NAA35: variants seen among roughly 807,000 people sequenced by gnomAD.
NAA35 encodes N-alpha-acetyltransferase 35, NatC auxiliary subunit, also known as MAK10 homolog, amino-acid N-acetyltransferase subunit.
NAA35 carries 18 observed loss-of-function variants against 101.7 expected under a neutral mutation model. The observed-to-expected ratio is 0.18, with a 90% CI of 0.12 to 0.26. NAA35 has a LOEUF of 0.26. Among genes scored for constraint, NAA35 ranks in the 10% least tolerant of loss-of-function variants. The pLI is 1.00. For synonymous variants in NAA35, 267 were observed against 273.1 expected (o/e 0.98, Z 0.22); for missense variants, 601 against 886.8 (o/e 0.68, Z 4.09).
At chr9:85,983,755 G>A (rs893536050) in intron 11 of NAA35, among the ~76,000 whole-genome samples, 2 of 152,066 alleles carry the variant, frequency 1.3e-5, no homozygotes, top group Admixed American at 1.3e-4. Flanking sequence ...TATGGCACAT[G>A]TATACCTATG....
intron 6 of NAA35, among the ~76,000 whole-genome samples, chr9:85,971,102 CCA>C (rs1410713167): frequency 6.6e-6 from 1 of 152,194 alleles, no homozygotes; most frequent in East Asian, 1.9e-4. Flanking sequence ...TTTGAAAACA[CCA>C]CAGTTTCCTT....
At position 85,945,558 on chromosome 9, in the gene NAA35, C is replaced by T. The variant is rs57006364; in HGVS notation, c.124+3275C>T. On this transcript the variant is annotated intron_variant, in intron 2 of 22. Coordinates refer to ENST00000361671, the MANE Select transcript of NAA35 (RefSeq NM_024635.4). ...ATTTTTTTTTTTTGAGATGGAATCTCGCTGTCACCCAGGCTGGAGTGCAGT... is the reference window on the plus strand; with the variant it reads ...ATTTTTTTTTTTTGAGATGGAATCTTGCTGTCACCCAGGCTGGAGTGCAGT... Among the ~76,000 whole-genome samples the T allele has an allele frequency of 4.0e-4, 60 of 151,154 alleles. 1 individual carries two copies. The East Asian group carries it at 8.8e-3, about 22-fold the overall frequency.
At chr9:85,956,529 A>G (rs1186633178) in intron 3 of NAA35, 136 bp downstream of exon 3, 3 of 461,976 alleles carry the variant, frequency 6.5e-6, no homozygotes, top group Non-Finnish European at 1.1e-5. Context: ...TTATAAATAT[A>G]TTTTTAACTG....
At chr9:85,942,044 T>G (rs1467730742) in intron 1 of NAA35, 111 bp from the exon 2 acceptor site, 1 of 1,471,540 alleles carries the variant, frequency 6.8e-7, no homozygotes, top group Non-Finnish European at 9.1e-7. Context: ...GAGTTCTGCT[T>G]TAAAGAGTTT....
chr9:86,001,737 C>T (rs1831426458), intron 12 of NAA35, among the ~76,000 whole-genome samples: 1 of 152,170 alleles, frequency 6.6e-6, no homozygotes, highest in Non-Finnish European at 1.5e-5. Context: ...TTTCCTCCAT[C>T]CCTTTATTTT....
intron 2 of NAA35, 75 bp from the exon 3 acceptor site, chr9:85,956,285 C>G: frequency 2.3e-6 from 2 of 853,194 alleles, no homozygotes; most frequent in Non-Finnish European, 3.5e-6. Flanking sequence ...TTTTCAGGTG[C>G]TAATGTCTTT....
chr9:85,944,256 A>AT (rs1296654548), intron 2 of NAA35, among the ~76,000 whole-genome samples: 1 of 152,200 alleles, frequency 6.6e-6, no homozygotes, highest in Non-Finnish European at 1.5e-5. Flanking sequence ...ACTTTAGAGA[A>AT]TTTTGGGGAT....
intron 6 of NAA35, among the ~76,000 whole-genome samples, chr9:85,963,488 C>T (rs561986314): frequency 4.6e-5 from 7 of 152,036 alleles, no homozygotes; most frequent in Non-Finnish European, 1.0e-4. Flanking sequence ...AGGCTGATCT[C>T]GAACTCCTGA....
intron 15 of NAA35, among the ~76,000 whole-genome samples, chr9:86,011,652 A>T (rs927341879): frequency 2.0e-4 from 30 of 150,856 alleles, no homozygotes; most frequent in African/African-American, 7.1e-4. Flanking sequence ...GAGCCACCGC[A>T]CCCGGCTTCA....
At chr9:86,007,868 T>TAA (rs1271232003) in intron 14 of NAA35, among the ~76,000 whole-genome samples, 1 of 151,758 alleles carries the variant, frequency 6.6e-6, no homozygotes, top group Admixed American at 6.6e-5. Context: ...ACAAAGCACT[T>TAA]ACACTTTGTT....
intron 5 of NAA35, among the ~76,000 whole-genome samples, chr9:85,960,135 AG>A (rs1467873700): frequency 1.3e-5 from 2 of 152,222 alleles, no homozygotes; most frequent in African/African-American, 2.4e-5. Flanking sequence ...TTCGTTCTCA[AG>A]TTACTCAAGT....
chr9:86,010,266 A>AATT (rs1232013858), intron 15 of NAA35, among the ~76,000 whole-genome samples: 1 of 151,990 alleles, frequency 6.6e-6, no homozygotes, highest in African/African-American at 2.4e-5. Context: ...TAATAATAAT[A>AATT]ATAATAAATT....
At chr9:85,951,678 C>T (rs1391453850) in intron 2 of NAA35, among the ~76,000 whole-genome samples, 1 of 151,886 alleles carries the variant, frequency 6.6e-6, no homozygotes, top group Non-Finnish European at 1.5e-5. Context: ...TTTTTTGAGG[C>T]ATAGTCTTGC....
intron 21 of NAA35, 29 bp downstream of exon 21, chr9:86,018,850 G>A: frequency 6.2e-7 from 1 of 1,604,800 alleles, no homozygotes; most frequent in Non-Finnish European, 8.5e-7. Flanking sequence ...TAATTCTAGG[G>A]GAAAAGCGTG....
intron 11 of NAA35, among the ~76,000 whole-genome samples, chr9:85,986,165 G>C (rs571369757): frequency 5.9e-5 from 9 of 152,318 alleles, no homozygotes; most frequent in African/African-American, 1.9e-4. Flanking sequence ...AGAAGAGATT[G>C]AGAGAACTGA....
chr9:86,016,476 A>G (rs1300209976), intron 17 of NAA35, 63 bp from the exon 18 acceptor site: 1 of 1,378,874 alleles, frequency 7.3e-7, no homozygotes, highest in Non-Finnish European at 1.0e-6. Flanking sequence ...TCGTTAATAT[A>G]TGTGTTGATA....
At chr9:86,019,446 C>T (rs1240400938) in intron 21 of NAA35, among the ~76,000 whole-genome samples, 14 of 152,118 alleles carry the variant, frequency 9.2e-5, no homozygotes, top group South Asian at 2.1e-4. Flanking sequence ...GGGTGACGAG[C>T]GAAACTCCAT....
intron 11 of NAA35, among the ~76,000 whole-genome samples, chr9:85,987,503 G>A (rs1341865607): frequency 6.6e-6 from 1 of 152,208 alleles, no homozygotes; most frequent in East Asian, 1.9e-4. Context: ...AGGCCATGAT[G>A]TGCTAGTGCC....
chr9:85,965,539 G>A (rs1219312313), intron 6 of NAA35, among the ~76,000 whole-genome samples: 1 of 152,068 alleles, frequency 6.6e-6, no homozygotes, highest in East Asian at 1.9e-4. Flanking sequence ...GAGGTTGGAG[G>A]ATCACCTGAG....
Sources: gnomAD v4.1 joint callset for allele counts (sites outside exome capture counted in the v4.1 genomes callset) on GRCh38, gnomAD v4.1.1 for gene constraint, MANE v1.5 for transcripts, NCBI Gene and HGNC (gene_info 2026-07-23, HGNC 2026-07-21) for gene names.